WDPCP: variants seen among roughly 807,000 people sequenced by gnomAD.
The protein encoded by WDPCP is WD repeat containing planar cell polarity effector, also known as WD repeat-containing and planar cell polarity effector protein fritz homolog.
WDPCP carries 71 observed loss-of-function variants against 93.1 expected under a neutral mutation model. The ratio of observed to expected loss-of-function variants is 0.76; its 90% CI spans 0.63 to 0.93. The LOEUF (loss-of-function observed/expected upper bound fraction) is 0.93, where lower values mean the gene tolerates loss of function less well. Ranked by LOEUF, WDPCP falls within the 40% of genes least tolerant of loss-of-function variation. The pLI, the probability that WDPCP is intolerant of heterozygous loss-of-function variation, is 0.00. For missense variants in WDPCP, 844 were observed against 887.4 expected, an observed-to-expected ratio of 0.95 and a Z score of 0.62; for synonymous variants, 315 against 315.0, an observed-to-expected ratio of 1.00 and a Z score of 0.00.
At chr2:63,287,494 C>A (rs1394191640) in intron 13 of WDPCP, among the ~76,000 whole-genome samples, 1 of 152,136 alleles carries the variant, frequency 6.6e-6, no homozygotes, top group Non-Finnish European at 1.5e-5. Flanking sequence ...TATTCCTTTC[C>A]TCAGGGCATG....
chr2:63,355,576 G>A (rs896252135), intron 12 of WDPCP, among the ~76,000 whole-genome samples: 2 of 152,068 alleles, frequency 1.3e-5, no homozygotes, highest in Admixed American at 1.3e-4. Flanking sequence ...ACAGCACAAT[G>A]ACAGGATCAA....
intron 2 of WDPCP, among the ~76,000 whole-genome samples, chr2:63,792,498 T>C (rs1375074403): frequency 6.6e-6 from 1 of 152,074 alleles, no homozygotes; most frequent in Non-Finnish European, 1.5e-5. Flanking sequence ...AGCCAAACCA[T>C]ATCAACATGT....
intron 12 of WDPCP, among the ~76,000 whole-genome samples, chr2:63,330,515 C>A (rs1687899968): frequency 6.6e-6 from 1 of 151,934 alleles, no homozygotes; most frequent in Non-Finnish European, 1.5e-5. Flanking sequence ...AATATTTTCT[C>A]TCATTCAGTT....
At chr2:63,762,607 G>C (rs1326883472) in intron 2 of WDPCP, among the ~76,000 whole-genome samples, 3 of 152,168 alleles carry the variant, frequency 2.0e-5, no homozygotes, top group Admixed American at 2.0e-4. Context: ...TGAGAGTCTT[G>C]TTGCTAGTGG....
At chr2:63,438,811 T>G (rs1350536312) in intron 7 of WDPCP, among the ~76,000 whole-genome samples, 1 of 152,114 alleles carries the variant, frequency 6.6e-6, no homozygotes, top group African/African-American at 2.4e-5. Context: ...ACCTCTGTCC[T>G]TTCCACTAGG....
chr2:63,287,913 G>C (rs1007374140), intron 13 of WDPCP, among the ~76,000 whole-genome samples: 1 of 152,138 alleles, frequency 6.6e-6, no homozygotes, highest in African/African-American at 2.4e-5. Flanking sequence ...GCAATTATAA[G>C]GTATGTAATA....
chr2:63,401,460 A>C (rs1478441539), intron 10 of WDPCP, among the ~76,000 whole-genome samples: 1 of 152,204 alleles, frequency 6.6e-6, no homozygotes, highest in Non-Finnish European at 1.5e-5. Context: ...ATCTCACATC[A>C]GTCAGAATGG....
chr2:63,551,478 A>C lies in WDPCP; in HGVS notation c.75+36719T>G, dbSNP rs534028214. Among the ~76,000 whole-genome samples, 10 of 152,232 alleles carry C rather than the reference A, an allele frequency of 6.6e-5. No individual in the cohort carries two copies. The South Asian group carries it at 1.9e-3, about 28-fold the overall frequency. On this transcript the variant is annotated intron_variant, in intron 1 of 17. Transcript: ENST00000272321. ...ACCTCCCCCTCTTGCCATGTGATACAATGACAATGACTCCATTGCCTTCCA... is the reference window on the plus strand; with the variant it reads ...ACCTCCCCCTCTTGCCATGTGATACCATGACAATGACTCCATTGCCTTCCA...
chr2:63,161,084 G>A (rs1411941373), intron 15 of WDPCP, among the ~76,000 whole-genome samples: 3 of 152,184 alleles, frequency 2.0e-5, no homozygotes, highest in Non-Finnish European at 4.4e-5. Flanking sequence ...AAAGCTTGAT[G>A]TACGTTGAAC....
intron 2 of WDPCP, among the ~76,000 whole-genome samples, chr2:63,726,740 T>A (rs765002025): frequency 6.6e-6 from 1 of 152,182 alleles, no homozygotes; most frequent in African/African-American, 2.4e-5. Context: ...GTAATTCTCA[T>A]TGTAGAGATC....
Position 63,404,572 on chromosome 2 carries a change from T to C in WDPCP, c.911A>G (p.His304Arg). The part of the protein sequence containing the change: ...KQPYQVFTVE[H>R]SVSVDKEPMA... Reference sequence around the variant, plus strand: ...GGGCTCTTTGTCTACACTTACGGAGTGCTCCACTGTGAACACCTGATAAGG... The same window carrying C: ...GGGCTCTTTGTCTACACTTACGGAGCGCTCCACTGTGAACACCTGATAAGG... Residue 304 changes from histidine to arginine, a missense_variant, in exon 10 of 18, where the codon CAC (histidine) becomes CGC (arginine). Coordinates refer to ENST00000272321, the MANE Select transcript of WDPCP (RefSeq NM_015910.7). 1 of 1,613,910 alleles carries C rather than the reference T, an allele frequency of 6.2e-7. No individual in the cohort carries two copies. Among genetic ancestry groups the C allele is most frequent in the Non-Finnish European group, 8.5e-7 (1 of 1,179,940 alleles).
intron 12 of WDPCP, among the ~76,000 whole-genome samples, chr2:63,360,594 T>A (rs1310863648): frequency 6.6e-6 from 1 of 152,236 alleles, no homozygotes; most frequent in Non-Finnish European, 1.5e-5. Flanking sequence ...ACTAAACCCT[T>A]ACTACTTAGC....
intron 6 of WDPCP, among the ~76,000 whole-genome samples, chr2:63,443,595 C>T (rs555314251): frequency 3.2e-4 from 48 of 152,016 alleles, no homozygotes; most frequent in Non-Finnish European, 6.0e-4. Context: ...TTAGGTTAGA[C>T]CTTGTTGATG....
chr2:63,773,179 G>T (rs1670255011), intron 2 of WDPCP, among the ~76,000 whole-genome samples: 1 of 151,780 alleles, frequency 6.6e-6, no homozygotes, highest in African/African-American at 2.4e-5. Context: ...AGAAAACTGG[G>T]AATAATCCAA....
At chr2:63,742,248 A>C (rs947998552) in intron 2 of WDPCP, among the ~76,000 whole-genome samples, 1 of 151,986 alleles carries the variant, frequency 6.6e-6, no homozygotes, top group African/African-American at 2.4e-5. Context: ...AGAAGAGAAA[A>C]GGAAGGAAGG....
intron 3 of WDPCP, among the ~76,000 whole-genome samples, chr2:63,608,881 C>T (rs1709584083): frequency 6.6e-6 from 1 of 152,126 alleles, no homozygotes; most frequent in Non-Finnish European, 1.5e-5. Context: ...GTAAAACTAC[C>T]TTTAGGACTA....
rs367727948 is a variant in WDPCP, at chr2:63,404,173, C to A, written c.1310G>T (p.Ser437Ile). The change falls in exon 10 of 18, where the codon AGT (serine) becomes ATT (isoleucine). Residue 437 changes from serine (S) to isoleucine (I), a missense_variant. Coordinates refer to ENST00000272321, the MANE Select transcript of WDPCP (RefSeq NM_015910.7). ...AGCTATCCATTGCATTTGAACAAGA[C>A]TGCTGGAGGCATCAAATAATTTACT... ...QFSKLFDASS[S>I]LVQMQWIAPQ... is the part of the protein sequence containing the mutation. 9.6e-5 allele frequency: 155 copies of A among 1,614,100 alleles called. No individual in the cohort carries two copies. In the East Asian group the frequency reaches 1.9e-3, roughly 20 times the overall value.
chr2:63,617,629 G>A (rs1454739601), intron 3 of WDPCP, among the ~76,000 whole-genome samples: 1 of 152,144 alleles, frequency 6.6e-6, no homozygotes, highest in Non-Finnish European at 1.5e-5. Flanking sequence ...AATAAAAGTT[G>A]CCTGCCTTGT....
intron 14 of WDPCP, among the ~76,000 whole-genome samples, chr2:63,240,052 C>T (rs1679742871): frequency 6.6e-6 from 1 of 152,072 alleles, no homozygotes; most frequent in Non-Finnish European, 1.5e-5. Flanking sequence ...CTGGAAAAGA[C>T]AGACTCTTCT....
Sources: gnomAD v4.1 joint callset for allele counts (sites outside exome capture counted in the v4.1 genomes callset) on GRCh38, gnomAD v4.1.1 for gene constraint, MANE v1.5 for transcripts, NCBI Gene and HGNC (gene_info 2026-07-23, HGNC 2026-07-21) for gene names.